DLC1: variants seen among roughly 807,000 people sequenced by gnomAD.
DLC1 encodes DLC1 Rho GTPase activating protein, also known as rho GTPase-activating protein 7.
DLC1 carries 54 observed loss-of-function variants against 140.3 expected under a neutral mutation model. The observed-to-expected ratio is 0.38, with a 90% CI of 0.31 to 0.48. The LOEUF is 0.48. Among genes scored for constraint, DLC1 ranks in the 20% least tolerant of loss-of-function variants. The probability of loss-of-function intolerance (pLI) is 0.96; values close to 1 mark genes in which losing one functional copy is unlikely to be tolerated. For synonymous variants in DLC1, 986 were observed against 728.1 expected, an observed-to-expected ratio of 1.35 and a Z score of -5.70; for missense variants, 2,536 against 1,907.0, an observed-to-expected ratio of 1.33 and a Z score of -6.14.
At chr8:13,171,250 G>A (rs1825457195) in intron 5 of DLC1, among the ~76,000 whole-genome samples, 1 of 152,188 alleles carries the variant, frequency 6.6e-6, no homozygotes, top group Non-Finnish European at 1.5e-5. Flanking sequence ...TTTCAGGAAT[G>A]TTATGATGTA....
chr8:13,319,184 T>G (rs571755213), intron 4 of DLC1, among the ~76,000 whole-genome samples: 2 of 152,314 alleles, frequency 1.3e-5, no homozygotes, highest in South Asian at 2.1e-4. Context: ...TAGAAGCACA[T>G]CAACAAAATA....
At chr8:13,113,033 T>C (rs1820246801) in intron 6 of DLC1, among the ~76,000 whole-genome samples, 1 of 152,236 alleles carries the variant, frequency 6.6e-6, no homozygotes, top group East Asian at 1.9e-4. Flanking sequence ...CCCAGAGCCA[T>C]ATTTTAGATT....
rs769488928 is a variant in DLC1 at position 13,499,720 on chromosome 8, C to A, written c.352G>T (p.Asp118Tyr). The change falls in exon 2 of 18, where the codon GAT (aspartate) becomes TAT (tyrosine). Residue 118 changes from aspartate to tyrosine, a missense_variant. Coordinates refer to ENST00000276297, the MANE Select transcript of DLC1 (RefSeq NM_182643.3). ...VHVSDEDNNADLCLTDDKQVL... is the reference protein window; with the variant it reads ...VHVSDEDNNAYLCLTDDKQVL... ...TGTTTATCATCTGTAAGGCATAAATCAGCATTGTTATCCTCATCAGAAACA... is the reference window on the plus strand; with the variant it reads ...TGTTTATCATCTGTAAGGCATAAATAAGCATTGTTATCCTCATCAGAAACA... The A allele has an allele frequency of 3.7e-6, 6 of 1,614,142 alleles. No homozygotes were observed. In the East Asian group the frequency reaches 8.9e-5, roughly 24 times the overall value.
At chr8:13,431,455 C>A (rs1487347523) in intron 2 of DLC1, among the ~76,000 whole-genome samples, 1 of 123,188 alleles carries the variant, frequency 8.1e-6, no homozygotes, top group African/African-American at 3.1e-5. Context: ...TGCACTCCAG[C>A]CTGGGCCACA....
chr8:13,223,649 A>C (rs1828660603), intron 5 of DLC1, among the ~76,000 whole-genome samples: 1 of 152,360 alleles, frequency 6.6e-6, no homozygotes, highest in East Asian at 1.9e-4. Context: ...AACTTTAAAA[A>C]AGAATTACTT....
intron 4 of DLC1, among the ~76,000 whole-genome samples, chr8:13,390,386 G>C (rs567178028): frequency 2.0e-5 from 3 of 152,210 alleles, no homozygotes; most frequent in Admixed American, 6.5e-5. Context: ...ATTCGGGTTG[G>C]TTCCATGTCT....
chr8:13,558,429 T>C (rs1804129277), intron 1 of DLC1: 1 of 152,194 alleles, frequency 6.6e-6, no homozygotes, highest in Non-Finnish European at 1.5e-5. Flanking sequence ...AAGGACTTGA[T>C]ACACCTCAAG....
intron 4 of DLC1, among the ~76,000 whole-genome samples, chr8:13,363,685 A>G (rs1396475966): frequency 6.6e-6 from 1 of 152,172 alleles, no homozygotes; most frequent in Non-Finnish European, 1.5e-5. Flanking sequence ...CAAAAGGAAA[A>G]AAATCACCAG....
chr8:13,587,487 C>A (rs1390161007), intron 1 of DLC1, among the ~76,000 whole-genome samples: 1 of 148,998 alleles, frequency 6.7e-6, no homozygotes, highest in African/African-American at 2.5e-5. Context: ...AGAATCTGAA[C>A]CACTGGTGTG....
intron 4 of DLC1, among the ~76,000 whole-genome samples, chr8:13,376,145 T>A (rs1835972796): frequency 6.6e-6 from 1 of 152,186 alleles, no homozygotes; most frequent in Non-Finnish European, 1.5e-5. Context: ...GAGAAACTGA[T>A]CACATGATTT....
chr8:13,243,913 C>A (rs1829647656), intron 5 of DLC1, among the ~76,000 whole-genome samples: 2 of 152,146 alleles, frequency 1.3e-5, no homozygotes. Context: ...CTCATATATG[C>A]ACCTGTCCTG....
chr8:13,303,379 C>T (rs1407186923), intron 5 of DLC1, among the ~76,000 whole-genome samples: 1 of 151,890 alleles, frequency 6.6e-6, no homozygotes, highest in Non-Finnish European at 1.5e-5. Context: ...AGAAATGACT[C>T]AGAAAGATTA....
rs946334176 is a variant in DLC1 at position 13,099,865 on chromosome 8, A to G, written c.2472T>C (p.Asn824=). 9 of 1,614,068 alleles carry G rather than the reference A, an allele frequency of 5.6e-6. No individual in the cohort carries two copies. The highest frequency in any genetic ancestry group is 7.6e-6 in the Non-Finnish European group (9 of 1,180,042). The part of the protein sequence containing the change: ...KPGTFPKALT[N]GSFSPSGNNG... Reference sequence around the variant, plus strand: ...TATTCCCCGAGGGGGAGAAACTGCCATTGGTGAGAGCTTTGGGGAAAGTGC... The same window carrying G: ...TATTCCCCGAGGGGGAGAAACTGCCGTTGGTGAGAGCTTTGGGGAAAGTGC... Residue 824 remains asparagine (N), a synonymous_variant, in exon 9 of 18, where the codon AAT becomes AAC. Transcript: ENST00000276297.
At chr8:13,103,326 A>G (rs960989983) in intron 7 of DLC1, among the ~76,000 whole-genome samples, 2 of 142,216 alleles carry the variant, frequency 1.4e-5, no homozygotes, top group African/African-American at 2.9e-5. Context: ...AAATAAATAA[A>G]TAAATAAATA....
At chr8:13,393,512 C>A in intron 4 of DLC1, 41 bp downstream of exon 4, 1 of 1,583,226 alleles carries the variant, frequency 6.3e-7, no homozygotes, top group Non-Finnish European at 8.6e-7. Context: ...TGATCATCAA[C>A]ATTTACACGT....
chr8:13,211,915 A>G (rs1248459084), intron 5 of DLC1, among the ~76,000 whole-genome samples: 3 of 152,214 alleles, frequency 2.0e-5, no homozygotes, highest in African/African-American at 2.4e-5. Flanking sequence ...TCAGCATGCT[A>G]GAATGAAATT....
chr8:13,400,287 C>A (rs1011692612), intron 3 of DLC1, among the ~76,000 whole-genome samples: 1 of 152,018 alleles, frequency 6.6e-6, no homozygotes, highest in Non-Finnish European at 1.5e-5. Flanking sequence ...TTGATCCGTG[C>A]GGTACTTCTT....
At chr8:13,289,485 C>A (rs998994660) in intron 5 of DLC1, among the ~76,000 whole-genome samples, 2 of 152,134 alleles carry the variant, frequency 1.3e-5, no homozygotes, top group Non-Finnish European at 2.9e-5. Context: ...TGTCACCATG[C>A]CCAGCTAATT....
rs186662628 is a variant in DLC1 at position 13,123,486 on chromosome 8, G to A, written c.1349-7829C>T. 8.2e-3 allele frequency among the ~76,000 whole-genome samples: 1,213 copies of A among 147,866 alleles called. 8 individuals are homozygous for A. The highest frequency in any genetic ancestry group is 0.012 in the Non-Finnish European group (814 of 67,472). ...CTCCTGAGTAGCTGGGGCTACAGGC[G>A]CCCGCCACCACAATGAGCTAATTTT... On this transcript the variant is annotated intron_variant, in intron 5 of 17. Transcript: ENST00000276297.
Sources: allele counts gnomAD v4.1 joint callset (sites outside exome capture counted in the v4.1 genomes callset), GRCh38; gene constraint gnomAD v4.1.1; transcripts MANE v1.5; gene names NCBI Gene and HGNC (gene_info 2026-07-23, HGNC 2026-07-21).